DEPDC1B: variants seen among roughly 807,000 people sequenced by gnomAD.
DEPDC1B encodes DEP domain containing 1B.
DEPDC1B carries 51 observed loss-of-function variants against 66.5 expected under a neutral mutation model. The observed-to-expected ratio is 0.77, with a 90% CI of 0.61 to 0.97. DEPDC1B has a LOEUF of 0.97. Among genes scored for constraint, DEPDC1B ranks in the 50% least tolerant of loss-of-function variants. The probability of loss-of-function intolerance (pLI) is 0.00; values close to 1 mark genes in which losing one functional copy is unlikely to be tolerated. For synonymous variants in DEPDC1B, 226 were observed against 223.6 expected (o/e 1.01, Z -0.10); for missense variants, 552 against 637.1 (o/e 0.87, Z 1.44).
chr5:60,666,338 G>A (rs1005865466), intron 2 of DEPDC1B, among the ~76,000 whole-genome samples: 2 of 152,170 alleles, frequency 1.3e-5, no homozygotes, highest in Non-Finnish European at 2.9e-5. Flanking sequence ...CATGGCCCAA[G>A]GTTCCATTCC....
chr5:60,601,910 A>T (rs912599332), intron 9 of DEPDC1B, among the ~76,000 whole-genome samples: 3 of 152,166 alleles, frequency 2.0e-5, no homozygotes, highest in Admixed American at 2.0e-4. Context: ...CATTTTACAG[A>T]TGAGAAAAAG....
At chr5:60,685,827 G>A (rs1223812077) in intron 2 of DEPDC1B, among the ~76,000 whole-genome samples, 1 of 152,142 alleles carries the variant, frequency 6.6e-6, no homozygotes, top group Non-Finnish European at 1.5e-5. Flanking sequence ...ATGCTATTAA[G>A]TACTAAGGTC....
chr5:60,617,384 A>C (rs541443733), intron 7 of DEPDC1B, among the ~76,000 whole-genome samples: 3 of 152,304 alleles, frequency 2.0e-5, no homozygotes, highest in Admixed American at 2.0e-4. Flanking sequence ...TGCTGTATTC[A>C]GGAAACCCAT....
intron 2 of DEPDC1B, among the ~76,000 whole-genome samples, chr5:60,678,728 A>C (rs1754226167): frequency 6.6e-6 from 1 of 152,086 alleles, no homozygotes; most frequent in African/African-American, 2.4e-5. Context: ...TCTTTTGCTC[A>C]TTTTTCAATT....
intron 6 of DEPDC1B, among the ~76,000 whole-genome samples, chr5:60,639,898 C>A (rs928426539): frequency 6.6e-6 from 1 of 152,168 alleles, no homozygotes; most frequent in Admixed American, 6.5e-5. Context: ...CCCAAATAGA[C>A]CTCTACCCCC....
chr5:60,641,605 C>G (rs922262346), intron 6 of DEPDC1B, among the ~76,000 whole-genome samples: 1 of 152,096 alleles, frequency 6.6e-6, no homozygotes, highest in African/African-American at 2.4e-5. Context: ...GGATTACAGG[C>G]GTGAGCCACC....
chr5:60,613,605 A>T (rs1362837128), intron 7 of DEPDC1B, among the ~76,000 whole-genome samples: 1 of 152,184 alleles, frequency 6.6e-6, no homozygotes, highest in Non-Finnish European at 1.5e-5. Flanking sequence ...CTGACAGGTA[A>T]TCGATAATGA....
At chr5:60,601,056 G>A (rs1752190975) in intron 9 of DEPDC1B, among the ~76,000 whole-genome samples, 1 of 152,164 alleles carries the variant, frequency 6.6e-6, no homozygotes, top group Non-Finnish European at 1.5e-5. Flanking sequence ...CTCTCCTGCT[G>A]CCTCATGAAG....
At chr5:60,650,566 T>A (rs1429102258) in intron 2 of DEPDC1B, among the ~76,000 whole-genome samples, 1 of 152,166 alleles carries the variant, frequency 6.6e-6, no homozygotes, top group Non-Finnish European at 1.5e-5. Flanking sequence ...GGCCCCCAGT[T>A]GCGAATCATG....
chr5:60,615,970 C>G, intron 7 of DEPDC1B, among the ~76,000 whole-genome samples: 1 of 152,342 alleles, frequency 6.6e-6, no homozygotes, highest in South Asian at 2.1e-4. Flanking sequence ...CAGGCAGCAA[C>G]ATTTGCTGTT....
chr5:60,687,532 CTT>C (rs1277770504), intron 1 of DEPDC1B, among the ~76,000 whole-genome samples: 1 of 145,362 alleles, frequency 6.9e-6, no homozygotes, highest in Non-Finnish European at 1.5e-5. Flanking sequence ...AAAATAAAAA[CTT>C]TTTTTTTTTT....
intron 7 of DEPDC1B, among the ~76,000 whole-genome samples, chr5:60,613,828 G>GTGTGCATA (rs3989094): frequency 6.9e-6 from 1 of 144,390 alleles, no homozygotes; most frequent in Non-Finnish European, 1.5e-5. Flanking sequence ...GTGTGTGTGT[G>GTGTGCATA]TATACATAAA....
chr5:60,602,708 T>C (rs1752224388), intron 9 of DEPDC1B, among the ~76,000 whole-genome samples: 1 of 152,156 alleles, frequency 6.6e-6, no homozygotes, highest in Admixed American at 6.6e-5. Flanking sequence ...CAGAAATTCA[T>C]CCTAGGAATT....
intron 3 of DEPDC1B, among the ~76,000 whole-genome samples, chr5:60,646,376 C>G (rs1753316264): frequency 6.6e-6 from 1 of 152,032 alleles, no homozygotes; most frequent in Non-Finnish European, 1.5e-5. Context: ...GCAATAATAA[C>G]AGTTTAGGAG....
chr5:60,668,119 A>C (rs1753931959), intron 2 of DEPDC1B, among the ~76,000 whole-genome samples: 3 of 96,812 alleles, frequency 3.1e-5, no homozygotes, highest in Admixed American at 1.2e-4. Context: ...TTTTATATAT[A>C]TATATAAAAT....
chr5:60,619,596 C>T (rs1454258581), intron 7 of DEPDC1B, among the ~76,000 whole-genome samples: 2 of 152,140 alleles, frequency 1.3e-5, no homozygotes, highest in Non-Finnish European at 2.9e-5. Context: ...TGTGAAGGAC[C>T]TCTTCAAGGA....
At chr5:60,605,250 C>T (rs749212586) in intron 8 of DEPDC1B, among the ~76,000 whole-genome samples, 9 of 151,742 alleles carry the variant, frequency 5.9e-5, no homozygotes, top group Non-Finnish European at 7.4e-5. Flanking sequence ...AGCACGGTGA[C>T]GACAATTATA....
intron 2 of DEPDC1B, among the ~76,000 whole-genome samples, chr5:60,670,542 G>C (rs940410003): frequency 2.6e-5 from 4 of 152,082 alleles, no homozygotes; most frequent in African/African-American, 9.7e-5. Flanking sequence ...AAAAGAAAAA[G>C]AACTAGAATA....
chr5:60,680,215 A>C (rs1754267043), intron 2 of DEPDC1B, among the ~76,000 whole-genome samples: 1 of 152,206 alleles, frequency 6.6e-6, no homozygotes, highest in South Asian at 2.1e-4. Flanking sequence ...GTGAAATCTA[A>C]AATTGTTTTC....
Sources: gnomAD v4.1 joint callset for allele counts (sites outside exome capture counted in the v4.1 genomes callset) on GRCh38, gnomAD v4.1.1 for gene constraint, MANE v1.5 for transcripts, NCBI Gene and HGNC (gene_info 2026-07-23, HGNC 2026-07-21) for gene names.